ERBB4: variants seen among roughly 807,000 people sequenced by gnomAD.
ERBB4 encodes the protein receptor tyrosine-protein kinase erbB-4.
Under a neutral mutation model 158.0 loss-of-function variants are expected in ERBB4, and 42 were observed. The ratio of observed to expected loss-of-function variants is 0.27; its 90% CI spans 0.21 to 0.34. The LOEUF (loss-of-function observed/expected upper bound fraction) is 0.34, where lower values mean the gene tolerates loss of function less well. Among genes scored for constraint, ERBB4 ranks in the 10% least tolerant of loss-of-function variants. The pLI, the probability that ERBB4 is intolerant of heterozygous loss-of-function variation, is 1.00. For synonymous variants in ERBB4, 583 were observed against 558.7 expected (o/e 1.04, Z -0.61); for missense variants, 1,333 against 1,624.1 (o/e 0.82, Z 3.08).
intron 1 of ERBB4, among the ~76,000 whole-genome samples, chr2:212,481,657 A>C (rs1689704482): frequency 6.6e-6 from 1 of 152,136 alleles, no homozygotes; most frequent in African/African-American, 2.4e-5. Context: ...ATAATGCCTG[A>C]CACCCAGAAG....
chr2:211,982,255 T>C (rs1047303099), intron 2 of ERBB4, among the ~76,000 whole-genome samples: 2 of 152,078 alleles, frequency 1.3e-5, no homozygotes, highest in African/African-American at 2.4e-5. Flanking sequence ...AATCAAGCAA[T>C]TACAACTTAG....
At chr2:212,492,831 A>C (rs1443904834) in intron 1 of ERBB4, among the ~76,000 whole-genome samples, 3 of 151,542 alleles carry the variant, frequency 2.0e-5, no homozygotes, top group African/African-American at 7.2e-5. Flanking sequence ...AAAGTACTTT[A>C]TAGACTCCAC....
chr2:212,444,281 C>G (rs1005362394), intron 1 of ERBB4, among the ~76,000 whole-genome samples: 5 of 152,150 alleles, frequency 3.3e-5, no homozygotes, highest in Admixed American at 6.5e-5. Context: ...CCCTGAAGGA[C>G]AGCAGTGAAG....
chr2:212,373,789 G>GTA lies in ERBB4; in HGVS notation c.82+164658_82+164659dup, dbSNP rs1305730413. 1.0e-4 allele frequency among the ~76,000 whole-genome samples: 8 copies of GTA among 78,994 alleles called. 1 individual carries two copies. The highest frequency in any genetic ancestry group is 3.9e-4 in the African/African-American group (8 of 20,668). The allele number at this position is 78,994 out of a possible 152,430, so 51.8% of individuals were successfully genotyped here. A position where few individuals can be genotyped will look rare whatever the true frequency, so the allele number is the denominator to read the frequency against. On this transcript the variant is annotated intron_variant, in intron 1 of 27. Coordinates refer to ENST00000342788, the MANE Select transcript of ERBB4 (RefSeq NM_005235.3). ...CGTATATATCCATGTATATATCCACGTATATATATCCATATATATATCCAT... is the reference window on the plus strand; with the variant it reads ...CGTATATATCCATGTATATATCCACGTATATATATATCCATATATATATCCAT...
chr2:211,776,149 T>C (rs947226955), intron 4 of ERBB4, among the ~76,000 whole-genome samples: 1 of 152,182 alleles, frequency 6.6e-6, no homozygotes, highest in African/African-American at 2.4e-5. Flanking sequence ...AGCTATTGTG[T>C]CTTCAGGGTA....
chr2:211,871,672 AG>A (rs1261849053), intron 3 of ERBB4, among the ~76,000 whole-genome samples: 4 of 152,194 alleles, frequency 2.6e-5, no homozygotes, highest in Non-Finnish European at 4.4e-5. Context: ...AAGTGAATAA[AG>A]AAAATCTAAT....
At position 212,476,153 on chromosome 2, in the gene ERBB4, T is replaced by TCACACACACACA. The variant is rs59580011; in HGVS notation, c.82+62284_82+62295dup. ...TACATACTCTCTCTCTCTCTCTCTG[T>TCACACACACACA]CACACACACACACACACACACACAC... is the stretch of plus-strand genomic sequence containing the variant. On this transcript the variant is annotated intron_variant, in intron 1 of 27. Transcript: ENST00000342788. Among the ~76,000 whole-genome samples, 7 of 144,282 alleles carry TCACACACACACA rather than the reference T, an allele frequency of 4.9e-5. No individual in the cohort carries two copies. In the South Asian group the frequency reaches 1.3e-3, roughly 27 times the overall value. 94.7% of individuals were successfully genotyped at this position (144,282 alleles called of 152,430 possible). A position where few individuals can be genotyped will look rare whatever the true frequency, so the allele number is the denominator to read the frequency against.
At chr2:211,926,381 G>C (rs1435342034) in intron 3 of ERBB4, among the ~76,000 whole-genome samples, 2 of 152,038 alleles carry the variant, frequency 1.3e-5, no homozygotes, top group African/African-American at 4.8e-5. Flanking sequence ...CTTTATCGTA[G>C]TACTTTTACA....
At chr2:211,519,517 A>G (rs2066133102) in intron 20 of ERBB4, among the ~76,000 whole-genome samples, 2 of 152,154 alleles carry the variant, frequency 1.3e-5, no homozygotes, top group Admixed American at 1.3e-4. Context: ...GAGTTACTGG[A>G]TAATAGCTTA....
At position 212,012,288 on chromosome 2, in the gene ERBB4, A is replaced by G. The variant is rs955881587; in HGVS notation, c.235-64672T>C. 1.2e-4 allele frequency among the ~76,000 whole-genome samples: 19 copies of G among 152,204 alleles called. 1 individual carries two copies. Among genetic ancestry groups the G allele is most frequent in the Admixed American group, 1.1e-3 (17 of 15,280 alleles). On this transcript the variant is annotated intron_variant, in intron 2 of 27. Coordinates refer to ENST00000342788, the MANE Select transcript of ERBB4 (RefSeq NM_005235.3). The stretch of plus-strand genomic sequence containing the variant: ...AAACATGGAATCAGCCACACTTCCA[A>G]AAAGTCATTGTTTATTTTAAGACGA...
intron 20 of ERBB4, among the ~76,000 whole-genome samples, chr2:211,486,728 C>T (rs1037715272): frequency 6.6e-6 from 1 of 152,082 alleles, no homozygotes; most frequent in African/African-American, 2.4e-5. Flanking sequence ...CACATTACAT[C>T]CACATGAAAA....
rs576642692 is a variant in ERBB4 at position 211,524,372 on chromosome 2, C to A, written c.2487+37531G>T. Among the ~76,000 whole-genome samples the A allele has an allele frequency of 1.7e-3, 260 of 151,866 alleles. 3 individuals are homozygous for A. Among genetic ancestry groups the A allele is most frequent in the African/African-American group, 6.0e-3 (247 of 41,176 alleles). ...AGCTGCCTGCCAGTCCCACGCCATG[C>A]GCCCACACTCCTCAGCCCTTGGGTG... On this transcript the variant is annotated intron_variant, in intron 20 of 27. Coordinates refer to ENST00000342788, the MANE Select transcript of ERBB4 (RefSeq NM_005235.3).
chr2:211,953,276 C>T (rs776628771), intron 2 of ERBB4, among the ~76,000 whole-genome samples: 1 of 151,612 alleles, frequency 6.6e-6, no homozygotes, highest in Non-Finnish European at 1.5e-5. Context: ...GGAGAAATAC[C>T]TAATGTAGGT....
intron 1 of ERBB4, among the ~76,000 whole-genome samples, chr2:212,210,504 A>G (rs914746752): frequency 2.0e-5 from 3 of 152,042 alleles, no homozygotes; most frequent in Non-Finnish European, 4.4e-5. Context: ...GTAGCCACTT[A>G]ATATTTTATT....
chr2:211,665,564 T>TC, intron 14 of ERBB4, 87 bp from the exon 15 acceptor site: 14 of 1,249,558 alleles, frequency 1.1e-5, no homozygotes, highest in Non-Finnish European at 1.5e-5. Context: ...TTACTGAGAC[T>TC]TCAGTAGGTG....
At chr2:211,388,611 A>G (rs1365702686) in intron 25 of ERBB4, among the ~76,000 whole-genome samples, 3 of 151,698 alleles carry the variant, frequency 2.0e-5, no homozygotes, top group African/African-American at 7.3e-5. Context: ...GAAAATTTGG[A>G]AAATCAATTC....
At chr2:211,926,608 T>G (rs1454765611) in intron 3 of ERBB4, among the ~76,000 whole-genome samples, 1 of 152,178 alleles carries the variant, frequency 6.6e-6, no homozygotes, top group Non-Finnish European at 1.5e-5. Context: ...ATTACACAAC[T>G]GCTGTTACAA....
At chr2:212,066,302 C>T (rs2077945948) in intron 2 of ERBB4, among the ~76,000 whole-genome samples, 1 of 151,872 alleles carries the variant, frequency 6.6e-6, no homozygotes, top group Non-Finnish European at 1.5e-5. Flanking sequence ...CAAACCATAA[C>T]CTCAAAAGTC....
chr2:212,073,713 G>A (rs1024528740), intron 2 of ERBB4, among the ~76,000 whole-genome samples: 19 of 151,904 alleles, frequency 1.3e-4, no homozygotes, highest in African/African-American at 4.1e-4. Context: ...CGGGAGGCAG[G>A]TTCAGTGAGA....
Sources: gnomAD v4.1 joint callset for allele counts (sites outside exome capture counted in the v4.1 genomes callset) on GRCh38, gnomAD v4.1.1 for gene constraint, MANE v1.5 for transcripts, NCBI Gene and HGNC (gene_info 2026-07-23, HGNC 2026-07-21) for gene names.